The following ABCA3 variants were observed in gnomAD, a reference collection of about 807,000 sequenced individuals.
ABCA3 encodes the protein phospholipid-transporting ATPase ABCA3.
In ABCA3, 88 loss-of-function variants were observed where a neutral mutation model predicts 172.8. The ratio of observed to expected loss-of-function variants is 0.51; its 90% CI spans 0.43 to 0.61. ABCA3 has a LOEUF of 0.61. Ranked by LOEUF, ABCA3 falls within the 20% of genes least tolerant of loss-of-function variation. ABCA3 has a pLI of 0.00. For synonymous variants in ABCA3, 1,066 were observed against 983.8 expected, an observed-to-expected ratio of 1.08 and a Z score of -1.56; for missense variants, 2,164 against 2,301.0, an observed-to-expected ratio of 0.94 and a Z score of 1.22.
Position 2,298,455 on chromosome 16 carries a change from G to A in ABCA3, c.1827C>T (p.Gly609=). 1.2e-6 allele frequency: 2 copies of A among 1,614,136 alleles called. No individual in the cohort carries two copies. The highest frequency in any genetic ancestry group is 1.7e-6 in the Non-Finnish European group (2 of 1,180,038). The change falls in exon 15 of 33, where the codon GGC becomes GGT. Residue 609 remains glycine, a synonymous_variant. Transcript: ENST00000301732. ...QDMVQIRKSL[G]LCPQHDILFD... ...ACAGGATGTCGTGCTGCGGGCACAG[G>A]CCCAGGCTCTTCCGGATCTGAACCA...
At chr16:2,296,179 G>A (rs1272371063) in intron 17 of ABCA3, among the ~76,000 whole-genome samples, 11 of 152,092 alleles carry the variant, frequency 7.2e-5, no homozygotes, top group Admixed American at 7.2e-4. Context: ...GGCACTATCA[G>A]AGATGCATCT....
rs1251155604 is a variant in ABCA3 at position 2,281,350 on chromosome 16, G to A, written c.4164+31C>T. ...GGGACAGCCAGGTAGTCAGCTGGCA[G>A]GAAGGACTCCACCCCAAATTGCAAG... On this transcript the variant is annotated intron_variant, in intron 27 of 32. Coordinates refer to ENST00000301732, the MANE Select transcript of ABCA3 (RefSeq NM_001089.3). This position sits in a 1 kb window ranked among gnomAD's most constrained non-coding sequence, Gnocchi z 4.7. The A allele has an allele frequency of 1.2e-6, 2 of 1,613,474 alleles. No homozygotes were observed. The highest frequency in any genetic ancestry group is 1.7e-6 in the Non-Finnish European group (2 of 1,179,920).
chr16:2,331,792 C>CT (rs1215555942), intron 1 of ABCA3, among the ~76,000 whole-genome samples: 3 of 152,192 alleles, frequency 2.0e-5, no homozygotes, highest in Non-Finnish European at 4.4e-5. Flanking sequence ...ATCAGCTACT[C>CT]TAAGTTAAAC....
rs1428776101 is a variant in ABCA3 at position 2,284,037 on chromosome 16, G to A, written c.3862+242C>T. 2.0e-6 allele frequency: 1 copy of A among 506,092 alleles called. No homozygotes were observed. Among genetic ancestry groups the A allele is most frequent in the African/African-American group, 1.9e-5 (1 of 51,598 alleles). 31.4% of individuals were successfully genotyped at this position (506,092 alleles called of 1,614,324 possible). A position where few individuals can be genotyped will look rare whatever the true frequency, so the allele number is the denominator to read the frequency against. On this transcript the variant is annotated intron_variant, in intron 25 of 32. Transcript: ENST00000301732. The surrounding 1 kb of genome is among the most constrained non-coding windows in gnomAD (Gnocchi z 5.9). ...CTCCTCGTGCTAAGCGCTGGTCTGTGGTTCCTTGTTACAGATGCCCAGACA... is the reference window on the plus strand; with the variant it reads ...CTCCTCGTGCTAAGCGCTGGTCTGTAGTTCCTTGTTACAGATGCCCAGACA...
At chr16:2,289,399 T>TCCCC in intron 20 of ABCA3, 35 bp downstream of exon 20, 78 of 1,544,214 alleles carry the variant, frequency 5.1e-5, no homozygotes, top group East Asian at 9.4e-5. Context: ...TGCTCGCCCT[T>TCCCC]CCCCCGCCAC....
chr16:2,308,985 G>A (rs1433079286), intron 10 of ABCA3, among the ~76,000 whole-genome samples: 2 of 150,852 alleles, frequency 1.3e-5, no homozygotes, highest in African/African-American at 2.4e-5. Flanking sequence ...TTGCTCTGTC[G>A]CCCAGGCTGG....
chr16:2,325,996 C>G lies in ABCA3; in HGVS notation c.319+14G>C, dbSNP rs200537910. On this transcript the variant is annotated intron_variant, in intron 5 of 32. Transcript: ENST00000301732. ...ACCACTAGGCCTGGCACCGAGAGCC[C>G]CGGCATGTCTCACCTCGCATGTTGA... 3 of 1,613,304 alleles carry G rather than the reference C, an allele frequency of 1.9e-6. No homozygotes were observed. The highest frequency in any genetic ancestry group is 2.7e-5 in the African/African-American group (2 of 75,036).
chr16:2,291,582 G>A (rs984710282), intron 19 of ABCA3, among the ~76,000 whole-genome samples: 5 of 152,170 alleles, frequency 3.3e-5, no homozygotes, highest in South Asian at 2.1e-4. Flanking sequence ...GACCCGTGGC[G>A]GGTCTAGGAG....
chr16:2,302,298 G>A (rs1252191701), intron 12 of ABCA3, among the ~76,000 whole-genome samples: 3 of 151,968 alleles, frequency 2.0e-5, no homozygotes, highest in Non-Finnish European at 2.9e-5. Flanking sequence ...AGCTGGTCTC[G>A]GCAGTGATTC....
At position 2,297,302 on chromosome 16, in the gene ABCA3, C is replaced by T. The variant is rs1596842658; in HGVS notation, c.2263+27G>A. Reference sequence around the variant, plus strand: ...CAGCACGGCAGCCAGGACACCGACCCTGTCGCGGGCTGGCCCCACCGCTCA... The same window carrying T: ...CAGCACGGCAGCCAGGACACCGACCTTGTCGCGGGCTGGCCCCACCGCTCA... On this transcript the variant is annotated intron_variant, in intron 17 of 32. Transcript: ENST00000301732. This position sits in a 1 kb window ranked among gnomAD's most constrained non-coding sequence, Gnocchi z 5.6. 2 of 1,606,668 alleles carry T rather than the reference C, an allele frequency of 1.2e-6. No individual in the cohort carries two copies. Among genetic ancestry groups the T allele is most frequent in the East Asian group, 4.5e-5 (2 of 44,832 alleles).
chr16:2,326,253 CCGT>C lies in ABCA3; in HGVS notation c.73_75del (p.Thr25del). 1 of 1,613,598 alleles carries C rather than the reference CCGT, an allele frequency of 6.2e-7. No homozygotes were observed. The highest frequency in any genetic ancestry group is 8.5e-7 in the Non-Finnish European group (1 of 1,180,030). Reference sequence around the variant, plus strand: ...AGCAATGGCAGGAAGAGTTCCAGGACCGTCACCAGGACCTTCCGCTTCTGGAAG... The same window carrying C: ...AGCAATGGCAGGAAGAGTTCCAGGACCACCAGGACCTTCCGCTTCTGGAAG... On this transcript the variant is annotated inframe_deletion, in exon 5 of 33. Transcript: ENST00000301732.
intron 32 of ABCA3, 74 bp from the exon 33 acceptor site, chr16:2,276,879 G>C (rs2093647281): frequency 6.3e-7 from 1 of 1,586,446 alleles, no homozygotes; most frequent in Admixed American, 1.7e-5. Flanking sequence ...GGAGTCCTCT[G>C]GCAATAGGGG....
intron 1 of ABCA3, among the ~76,000 whole-genome samples, chr16:2,334,358 G>C (rs1198935910): frequency 6.6e-6 from 1 of 152,146 alleles, no homozygotes; most frequent in Admixed American, 6.6e-5. Context: ...AGGGAGCTCG[G>C]GGTGTGTCCC....
At chr16:2,314,078 C>T (rs1245751444) in intron 10 of ABCA3, among the ~76,000 whole-genome samples, 1 of 152,106 alleles carries the variant, frequency 6.6e-6, no homozygotes, top group Non-Finnish European at 1.5e-5. Context: ...GAAAGACAGT[C>T]TGACAGTCTC....
Position 2,289,427 on chromosome 16 carries a change from C to T in ABCA3, c.2700+7G>A, listed in dbSNP as rs2093668357. ...CCCGCCACCCGCCCACCCACCTGGG[C>T]ACTCACCCCAGTGTTGAGCTTGACA... On this transcript the variant is annotated splice_region_variant and intron_variant, in intron 20 of 32. Coordinates refer to ENST00000301732, the MANE Select transcript of ABCA3 (RefSeq NM_001089.3). 2.0e-6 allele frequency: 3 copies of T among 1,519,824 alleles called. No homozygotes were observed. Among genetic ancestry groups the T allele is most frequent in the Non-Finnish European group, 2.7e-6 (3 of 1,123,054 alleles). The allele number at this position is 1,519,824 out of a possible 1,614,324, so 94.1% of individuals were successfully genotyped here.
Position 2,330,722 on chromosome 16 carries a change from G to A in ABCA3, c.-538-868C>T, listed in dbSNP as rs562523948. ...CTTTTTTTTTTTTTTTTTTTGAGAC[G>A]GAGTCTTACTCTGTCTCCCAGGTTG... On this transcript the variant is annotated intron_variant, in intron 1 of 32. Transcript: ENST00000301732. 3.7e-3 allele frequency among the ~76,000 whole-genome samples: 531 copies of A among 142,848 alleles called. 4 individuals are homozygous for A. The highest frequency in any genetic ancestry group is 0.013 in the African/African-American group (504 of 37,910). 93.7% of individuals were successfully genotyped at this position (142,848 alleles called of 152,430 possible). A position where few individuals can be genotyped will look rare whatever the true frequency, so the allele number is the denominator to read the frequency against.
In ABCA3 at chr16:2,284,410, G is replaced by A. The variant is rs1276722634; in HGVS notation, c.3731C>T (p.Thr1244Ile). 1.2e-6 allele frequency: 2 copies of A among 1,613,852 alleles called. No individual in the cohort carries two copies. The highest frequency in any genetic ancestry group is 2.2e-5 in the East Asian group (1 of 44,892). ...PAVKLEELSK[T>I]LDHVFLVLPN... ...CAGCACCAGGAACACGTGATCCAGG[G>A]TTTTGGAAAGTTCTTCCAGTTTTAC... Residue 1244 changes from threonine (T) to isoleucine (I), a missense_variant, in exon 25 of 33, where the codon ACC (threonine) becomes ATC (isoleucine). This residue lies in a region of ABCA3 where 795 missense variants were observed against 881.9 expected (regional missense o/e 0.90). Coordinates refer to ENST00000301732, the MANE Select transcript of ABCA3 (RefSeq NM_001089.3). The surrounding 1 kb of genome is among the most constrained non-coding windows in gnomAD (Gnocchi z 5.9).
In ABCA3 at chr16:2,284,955, C is replaced by A. The variant is rs758502595; in HGVS notation, c.3527G>T (p.Gly1176Val). 6.2e-7 allele frequency: 1 copy of A among 1,613,814 alleles called. No homozygotes were observed. The change falls in exon 24 of 33, where the codon GGC becomes GTC. Residue 1176 changes from glycine to valine, a missense_variant. Gly to Val is a moderately radical substitution (Grantham distance 109, BLOSUM62 -3). Transcript: ENST00000301732. The surrounding 1 kb of genome is among the most constrained non-coding windows in gnomAD (Gnocchi z 5.9). Reference protein sequence around the residue: ...AFDVRAFTRDGHMADTLLLLL... With the variant: ...AFDVRAFTRDVHMADTLLLLL... Reference sequence around the variant, plus strand: ...CAGCAGCAGGGTGTCAGCCATGTGGCCGTCCCGCGTGAAGGCACGCACGTC... The same window carrying A: ...CAGCAGCAGGGTGTCAGCCATGTGGACGTCCCGCGTGAAGGCACGCACGTC...
chr16:2,321,299 C>T (rs1283831996), intron 7 of ABCA3, among the ~76,000 whole-genome samples: 1 of 152,202 alleles, frequency 6.6e-6, no homozygotes, highest in Non-Finnish European at 1.5e-5. Flanking sequence ...CTCACACACC[C>T]CACACCAGGT....
Sources: allele counts gnomAD v4.1 joint callset (sites outside exome capture counted in the v4.1 genomes callset), GRCh38; gene constraint gnomAD v4.1.1; regional missense constraint gnomAD v4.1.1; non-coding constraint Gnocchi (gnomAD v3.1); transcripts MANE v1.5; gene names NCBI Gene and HGNC (gene_info 2026-07-23, HGNC 2026-07-21).